The following ASAP1 variants were observed in gnomAD, a reference collection of about 807,000 sequenced individuals.
ASAP1 encodes the protein arf-GAP with SH3 domain, ANK repeat and PH domain-containing protein 1.
In ASAP1, 43 loss-of-function variants were observed where a neutral mutation model predicts 145.2. The ratio of observed to expected loss-of-function variants is 0.30; its 90% CI spans 0.23 to 0.38. The LOEUF (loss-of-function observed/expected upper bound fraction) is 0.38, where lower values mean the gene tolerates loss of function less well. Among genes scored for constraint, ASAP1 ranks in the 10% least tolerant of loss-of-function variants. The pLI, the probability that ASAP1 is intolerant of heterozygous loss-of-function variation, is 1.00. For missense variants in ASAP1, 1,018 were observed against 1,355.3 expected (o/e 0.75, Z 3.91); for synonymous variants, 546 against 515.5 (o/e 1.06, Z -0.80).
At chr8:130,205,379 T>TAAGAAA (rs1816140682) in intron 5 of ASAP1, among the ~76,000 whole-genome samples, 1 of 104,668 alleles carries the variant, frequency 9.6e-6, no homozygotes, top group South Asian at 2.7e-4. Flanking sequence ...TGAATCCTTA[T>TAAGAAA]AAGAAAAAAA....
chr8:130,249,774 T>C (rs1341151272), intron 3 of ASAP1, among the ~76,000 whole-genome samples: 1 of 152,122 alleles, frequency 6.6e-6, no homozygotes, highest in Non-Finnish European at 1.5e-5. Flanking sequence ...TTGCTGGCCC[T>C]GCACCCCAGG....
At chr8:130,246,777 A>G (rs770997800) in intron 3 of ASAP1, among the ~76,000 whole-genome samples, 77 of 152,174 alleles carry the variant, frequency 5.1e-4, no homozygotes, top group African/African-American at 7.2e-5. Flanking sequence ...CATTCTGTAA[A>G]GAGAACTCAA....
intron 2 of ASAP1, among the ~76,000 whole-genome samples, chr8:130,359,749 G>A (rs1826618078): frequency 6.6e-6 from 1 of 151,074 alleles, no homozygotes; most frequent in Non-Finnish European, 1.5e-5. Flanking sequence ...TCAGCCTCCC[G>A]AGTAGCTGGG....
intron 13 of ASAP1, among the ~76,000 whole-genome samples, chr8:130,143,376 C>T (rs1285869771): frequency 1.3e-5 from 2 of 150,466 alleles, no homozygotes; most frequent in Non-Finnish European, 3.0e-5. Flanking sequence ...ACTGTTAATA[C>T]CTTAATTTTA....
At chr8:130,191,551 C>A (rs995444080) in intron 5 of ASAP1, among the ~76,000 whole-genome samples, 2 of 152,192 alleles carry the variant, frequency 1.3e-5, no homozygotes, top group African/African-American at 4.8e-5. Context: ...CAGAGGCAGT[C>A]ACTACACAGC....
At chr8:130,253,058 T>C (rs1042162248) in intron 3 of ASAP1, among the ~76,000 whole-genome samples, 1 of 152,156 alleles carries the variant, frequency 6.6e-6, no homozygotes, top group Non-Finnish European at 1.5e-5. Context: ...TGATTCAAAA[T>C]ATGCTATGCA....
intron 1 of ASAP1, among the ~76,000 whole-genome samples, chr8:130,431,731 T>C (rs1587041152): frequency 6.6e-6 from 1 of 151,750 alleles, no homozygotes; most frequent in Non-Finnish European, 1.5e-5. Context: ...CCCATTCATA[T>C]GAGAGGTTCC....
At chr8:130,095,294 ATTTT>A (rs71302392) in intron 24 of ASAP1, among the ~76,000 whole-genome samples, 33 of 95,696 alleles carry the variant, frequency 3.4e-4, no homozygotes, top group Middle Eastern at 6.6e-3. Flanking sequence ...TAGGCCAGTG[ATTTT>A]TTTTTTTTTT....
intron 27 of ASAP1, among the ~76,000 whole-genome samples, chr8:130,074,367 A>C (rs1461768646): frequency 6.6e-6 from 1 of 151,382 alleles, no homozygotes; most frequent in Non-Finnish European, 1.5e-5. Flanking sequence ...GTGGTGGAGG[A>C]GGCTGCAGGA....
rs1431262258 is a variant in ASAP1, at chr8:130,092,075, T to G, written c.2470A>C (p.Lys824Gln). Residue 824 changes from lysine (K) to glutamine (Q), a missense_variant, in exon 25 of 30, where the codon AAG (lysine) becomes CAG (glutamine). Lys to Gln is a moderately conservative substitution (Grantham distance 53). Around this residue, in one of 9 missense-constraint regions of ASAP1, gnomAD observed 353 missense variants for 375.4 expected, o/e 0.94. Transcript: ENST00000518721. ...GGTGGTGGGGGAGGAGGCCTCTTCT[T>G]GGATAGGGTGGAGCTGCCACTAGAG... Reference protein sequence around the residue: ...QTSSGSSTLSKKRPPPPPPGH... With the variant: ...QTSSGSSTLSQKRPPPPPPGH... 1.3e-6 allele frequency: 2 copies of G among 1,570,476 alleles called. No homozygotes were observed. The highest frequency in any genetic ancestry group is 1.7e-6 in the Non-Finnish European group (2 of 1,163,512).
chr8:130,426,617 T>C (rs1478067422), intron 1 of ASAP1, among the ~76,000 whole-genome samples: 1 of 152,226 alleles, frequency 6.6e-6, no homozygotes, highest in East Asian at 1.9e-4. Context: ...TTGAGGTACC[T>C]TTAATGTGCC....
chr8:130,291,336 G>T (rs1392906720), intron 3 of ASAP1, among the ~76,000 whole-genome samples: 1 of 152,160 alleles, frequency 6.6e-6, no homozygotes, highest in East Asian at 1.9e-4. Flanking sequence ...AAATAATTCT[G>T]TAAGACCTAG....
At chr8:130,093,666 CAA>C (rs71572317) in intron 24 of ASAP1, among the ~76,000 whole-genome samples, 72 of 52,198 alleles carry the variant, frequency 1.4e-3, no homozygotes, top group African/African-American at 5.2e-3. Flanking sequence ...GACTCCGTCT[CAA>C]AAAAAAAAAA....
chr8:130,372,681 T>A (rs1465176594), intron 2 of ASAP1, among the ~76,000 whole-genome samples: 1 of 152,214 alleles, frequency 6.6e-6, no homozygotes, highest in Admixed American at 6.5e-5. Context: ...GCTTGATATA[T>A]CTAATTTTGT....
intron 1 of ASAP1, among the ~76,000 whole-genome samples, chr8:130,407,658 C>T (rs957254974): frequency 6.6e-6 from 1 of 152,194 alleles, no homozygotes; most frequent in Non-Finnish European, 1.5e-5. Flanking sequence ...TTACCACCCA[C>T]GTTTCTGCTT....
At chr8:130,102,887 C>T (rs1436569021) in intron 24 of ASAP1, among the ~76,000 whole-genome samples, 1 of 152,178 alleles carries the variant, frequency 6.6e-6, no homozygotes, top group Non-Finnish European at 1.5e-5. Flanking sequence ...GACAGGGTCT[C>T]ACCATGTTGC....
At chr8:130,085,738 GAA>G (rs10690482) in intron 25 of ASAP1, among the ~76,000 whole-genome samples, 2 of 125,408 alleles carry the variant, frequency 1.6e-5, no homozygotes, top group Non-Finnish European at 1.7e-5. Context: ...TTGTCTTTAA[GAA>G]AAAAAAAAAA....
At chr8:130,284,877 A>ACACACACC (rs1565171540) in intron 3 of ASAP1, among the ~76,000 whole-genome samples, 2 of 147,426 alleles carry the variant, frequency 1.4e-5, no homozygotes, top group African/African-American at 2.5e-5. Flanking sequence ...ACACACACAC[A>ACACACACC]CACCATACTG....
chr8:130,164,592 A>C (rs115088902), intron 11 of ASAP1, among the ~76,000 whole-genome samples: 150 of 152,338 alleles, frequency 9.8e-4, no homozygotes, highest in African/African-American at 3.2e-3. Context: ...GTCTCAAAAA[A>C]ACCAAAACAA....
Sources: gnomAD v4.1 joint callset for allele counts (sites outside exome capture counted in the v4.1 genomes callset) on GRCh38, gnomAD v4.1.1 for gene constraint, gnomAD v4.1.1 regional missense constraint, MANE v1.5 for transcripts, NCBI Gene and HGNC (gene_info 2026-07-23, HGNC 2026-07-21) for gene names.